Variants in ST8SIA6 observed in about 807,000 individuals in gnomAD.
ST8SIA6 encodes the protein ST8 alpha-N-acetyl-neuraminide alpha-2,8-sialyltransferase 6, also known as alpha-2,8-sialyltransferase 8F.
ST8SIA6 carries 39 observed loss-of-function variants against 33.6 expected under a neutral mutation model. The ratio of observed to expected loss-of-function variants is 1.16; its 90% CI spans 0.90 to 1.52. The LOEUF (loss-of-function observed/expected upper bound fraction) is 1.52. Among genes scored for constraint, ST8SIA6 ranks in the 40% most tolerant of loss-of-function variants. The probability of loss-of-function intolerance (pLI) is 0.00; values close to 1 mark genes in which losing one functional copy is unlikely to be tolerated. For synonymous variants in ST8SIA6, 172 were observed against 167.2 expected (o/e 1.03, Z -0.22); for missense variants, 441 against 443.8 (o/e 0.99, Z 0.06).
At chr10:17,446,921 G>A (rs1289199490) in intron 2 of ST8SIA6, among the ~76,000 whole-genome samples, 1 of 150,856 alleles carries the variant, frequency 6.6e-6, no homozygotes, top group Non-Finnish European at 1.5e-5. Context: ...GGCAGATGCT[G>A]CCTGTATTCC....
At chr10:17,411,536 C>T (rs1851451034) in intron 2 of ST8SIA6, among the ~76,000 whole-genome samples, 1 of 152,170 alleles carries the variant, frequency 6.6e-6, no homozygotes, top group Admixed American at 6.5e-5. Context: ...TCTGCTTATT[C>T]CCAATTTCCC....
At chr10:17,453,096 T>C (rs992821427) in intron 2 of ST8SIA6, among the ~76,000 whole-genome samples, 3 of 151,898 alleles carry the variant, frequency 2.0e-5, no homozygotes, top group South Asian at 2.1e-4. Flanking sequence ...GAAAAAAAAT[T>C]TAAGCCTCCA....
In ST8SIA6 at chr10:17,390,558, A is replaced by G. The variant is rs1466974761; in HGVS notation, c.263T>C (p.Ile88Thr). The stretch of plus-strand genomic sequence containing the variant: ...TTTCGTTTTGTTAGAGAAAGACTCA[A>G]TGCCATATTGCAGATTTTTGCATTT... ...TEKCKNLQYG[I>T]ESFSNKTKGY... Residue 88 changes from isoleucine to threonine, a missense_variant, in exon 3 of 8, where the codon ATT becomes ACT. By Grantham distance (89) the Ile-to-Thr change is moderately conservative. Transcript: ENST00000377602. The G allele has an allele frequency of 6.2e-7, 1 of 1,614,038 alleles. No individual in the cohort carries two copies. The highest frequency in any genetic ancestry group is 8.5e-7 in the Non-Finnish European group (1 of 1,179,914).
rs1847899207 is a variant in ST8SIA6, at chr10:17,320,203, T to G, written c.*675A>C. The G allele has an allele frequency of 6.6e-6, 1 of 152,190 alleles. No homozygotes were observed. Among genetic ancestry groups the G allele is most frequent in the African/African-American group, 2.4e-5 (1 of 41,426 alleles). The allele number at this position is 152,190 out of a possible 1,614,324, so 9.4% of individuals were successfully genotyped here. On this transcript the variant is annotated 3_prime_UTR_variant, in exon 8 of 8. Transcript: ENST00000377602. ...CGTATAAGTGAGAGAGAAAAAAGTG[T>G]AAGAATGAGGCAGGAAGTTAAAATA... is the stretch of plus-strand genomic sequence containing the variant.
chr10:17,438,397 G>A (rs1247294218), intron 2 of ST8SIA6, among the ~76,000 whole-genome samples: 1 of 151,954 alleles, frequency 6.6e-6, no homozygotes, highest in Non-Finnish European at 1.5e-5. Flanking sequence ...ATAGCTCCTA[G>A]CTCTGGGACC....
At chr10:17,354,169 C>T (rs892412293) in intron 4 of ST8SIA6, among the ~76,000 whole-genome samples, 1 of 152,108 alleles carries the variant, frequency 6.6e-6, no homozygotes, top group Non-Finnish European at 1.5e-5. Context: ...CACAAAGAAG[C>T]CTTCATGGGT....
chr10:17,447,933 G>A (rs1852778786), intron 2 of ST8SIA6, among the ~76,000 whole-genome samples: 1 of 152,054 alleles, frequency 6.6e-6, no homozygotes, highest in African/African-American at 2.4e-5. Flanking sequence ...CTGAGTAGCT[G>A]GCATTACAGA....
chr10:17,323,887 G>A (rs1848043572), intron 6 of ST8SIA6, among the ~76,000 whole-genome samples: 1 of 152,020 alleles, frequency 6.6e-6, no homozygotes, highest in African/African-American at 2.4e-5. Flanking sequence ...TTGATGTACT[G>A]TGACTAAAGT....
At chr10:17,376,999 C>T (rs1849937439) in intron 3 of ST8SIA6, among the ~76,000 whole-genome samples, 1 of 152,270 alleles carries the variant, frequency 6.6e-6, no homozygotes. Context: ...CATCATATCC[C>T]CTGTGACCTG....
At chr10:17,335,385 G>T (rs983979778) in intron 4 of ST8SIA6, among the ~76,000 whole-genome samples, 1 of 152,068 alleles carries the variant, frequency 6.6e-6, no homozygotes, top group Non-Finnish European at 1.5e-5. Context: ...ACTGAATTTT[G>T]CCCTTTTGCA....
chr10:17,400,936 C>T (rs1193754016), intron 2 of ST8SIA6, among the ~76,000 whole-genome samples: 1 of 152,108 alleles, frequency 6.6e-6, no homozygotes, highest in African/African-American at 2.4e-5. Flanking sequence ...CCAGGGCAAT[C>T]AGGCAGGAGA....
chr10:17,402,873 A>T (rs1166406261), intron 2 of ST8SIA6, among the ~76,000 whole-genome samples: 1 of 152,220 alleles, frequency 6.6e-6, no homozygotes, highest in East Asian at 1.9e-4. Context: ...ATGTATACAT[A>T]TGTAACAAAC....
chr10:17,333,705 ATATATATATATATTTT>A (rs1848393910), intron 4 of ST8SIA6, among the ~76,000 whole-genome samples: 3 of 25,652 alleles, frequency 1.2e-4, no homozygotes, highest in Non-Finnish European at 1.9e-4. Context: ...ATATATATAT[ATATATATATATATTTT>A]TTTTTTTTTT....
chr10:17,427,430 C>T (rs980397806), intron 2 of ST8SIA6, among the ~76,000 whole-genome samples: 3 of 152,142 alleles, frequency 2.0e-5, no homozygotes, highest in East Asian at 3.9e-4. Context: ...AGATGTAGAG[C>T]GATGGAGACC....
chr10:17,436,972 T>G (rs1042755694), intron 2 of ST8SIA6, among the ~76,000 whole-genome samples: 3 of 152,192 alleles, frequency 2.0e-5, no homozygotes, highest in African/African-American at 7.2e-5. Flanking sequence ...TTTTGTAAAT[T>G]GCTCAGTCTC....
chr10:17,328,526 G>A (rs1218714130), intron 5 of ST8SIA6, among the ~76,000 whole-genome samples: 3 of 152,126 alleles, frequency 2.0e-5, no homozygotes, highest in South Asian at 2.1e-4. Flanking sequence ...CCAGGGTGCC[G>A]GCTCGTGCTT....
intron 2 of ST8SIA6, among the ~76,000 whole-genome samples, chr10:17,433,394 T>C (rs1852160035): frequency 6.6e-6 from 1 of 152,236 alleles, no homozygotes; most frequent in African/African-American, 2.4e-5. Flanking sequence ...AGAGCTTTAA[T>C]ATCCAACCGT....
intron 2 of ST8SIA6, among the ~76,000 whole-genome samples, chr10:17,399,442 T>G (rs547059424): frequency 2.0e-5 from 3 of 152,350 alleles, no homozygotes; most frequent in African/African-American, 7.2e-5. Flanking sequence ...CTTCATTCTT[T>G]TATACACAAA....
At chr10:17,399,133 A>G (rs1850936002) in intron 2 of ST8SIA6, 1 of 152,210 alleles carries the variant, frequency 6.6e-6, no homozygotes, top group South Asian at 2.1e-4. Flanking sequence ...CACGGCGCCT[A>G]CAAAGATGAG....
Sources: allele counts gnomAD v4.1 joint callset (sites outside exome capture counted in the v4.1 genomes callset), GRCh38; gene constraint gnomAD v4.1.1; transcripts MANE v1.5; gene names NCBI Gene and HGNC (gene_info 2026-07-23, HGNC 2026-07-21).